Variants in SUGCT observed in about 807,000 individuals in gnomAD.
SUGCT encodes the protein succinyl-CoA:glutarate CoA-transferase.
In SUGCT, 41 loss-of-function variants were observed where a neutral mutation model predicts 55.0. The ratio of observed to expected loss-of-function variants is 0.74; its 90% CI spans 0.58 to 0.97. The LOEUF is 0.97. Ranked by LOEUF, SUGCT falls within the 50% of genes least tolerant of loss-of-function variation. The probability of loss-of-function intolerance (pLI) is 0.00; values close to 1 mark genes in which losing one functional copy is unlikely to be tolerated. For missense variants in SUGCT, 568 were observed against 547.8 expected (o/e 1.04, Z -0.37); for synonymous variants, 187 against 200.4 (o/e 0.93, Z 0.56).
intron 6 of SUGCT, among the ~76,000 whole-genome samples, chr7:40,217,037 C>A (rs372468010): frequency 8.6e-5 from 13 of 151,908 alleles, no homozygotes; most frequent in African/African-American, 3.1e-4. Context: ...TATTGAATGG[C>A]AAATTGTTTA....
the SUGCT span, among the ~76,000 whole-genome samples, chr7:41,033,139 A>G: frequency 1.3e-5 from 2 of 152,286 alleles, no homozygotes; most frequent in South Asian, 4.1e-4. Flanking sequence ...AGGCCCAAAC[A>G]TTTGGTCATT....
intron 12 of SUGCT, among the ~76,000 whole-genome samples, chr7:40,515,961 A>C (rs528968499): frequency 6.6e-6 from 1 of 152,316 alleles, no homozygotes; most frequent in African/African-American, 2.4e-5. Flanking sequence ...GAATTTCTTC[A>C]TAACTTTGCC....
At chr7:40,702,094 T>G (rs1785193768) in intron 12 of SUGCT, among the ~76,000 whole-genome samples, 1 of 152,198 alleles carries the variant, frequency 6.6e-6, no homozygotes, top group Non-Finnish European at 1.5e-5. Context: ...AAAGATTACC[T>G]TCCTAAAATA....
chr7:40,356,842 A>G (rs1797907279), intron 9 of SUGCT, among the ~76,000 whole-genome samples: 2 of 152,214 alleles, frequency 1.3e-5, no homozygotes, highest in African/African-American at 4.8e-5. Context: ...GAACAACTGA[A>G]CAGTATCCAT....
chr7:40,442,621 C>G (rs1011189256), intron 9 of SUGCT, among the ~76,000 whole-genome samples: 1 of 151,922 alleles, frequency 6.6e-6, no homozygotes, highest in Non-Finnish European at 1.5e-5. Context: ...GGTAATCTAG[C>G]TCATATACTT....
chr7:40,140,167 G>C (rs1377584891), intron 1 of SUGCT, among the ~76,000 whole-genome samples: 1 of 152,136 alleles, frequency 6.6e-6, no homozygotes, highest in Non-Finnish European at 1.5e-5. Flanking sequence ...GCCTCCCAAA[G>C]TGCTGGGATT....
chr7:40,694,435 T>C (rs1248324541), intron 12 of SUGCT, among the ~76,000 whole-genome samples: 1 of 152,244 alleles, frequency 6.6e-6, no homozygotes, highest in Non-Finnish European at 1.5e-5. Flanking sequence ...TCTTTGCATC[T>C]CAGAATCAGC....
intron 12 of SUGCT, among the ~76,000 whole-genome samples, chr7:40,731,679 A>C (rs1450297413): frequency 1.3e-5 from 2 of 152,194 alleles, no homozygotes; most frequent in Non-Finnish European, 2.9e-5. Context: ...AAAGTGGAAG[A>C]AATGTAAATT....
intron 8 of SUGCT, among the ~76,000 whole-genome samples, chr7:40,298,295 A>C (rs1248848782): frequency 6.6e-6 from 1 of 152,110 alleles, no homozygotes; most frequent in Non-Finnish European, 1.5e-5. Flanking sequence ...AAAGTGGTGC[A>C]TTGGGATAGA....
the SUGCT span, among the ~76,000 whole-genome samples, chr7:40,985,120 T>C: frequency 6.6e-6 from 1 of 152,194 alleles, no homozygotes; most frequent in Non-Finnish European, 1.5e-5. Context: ...CCTACTTGGA[T>C]GCTTTTGCAG....
In SUGCT at chr7:40,271,120, G is replaced by C. The variant is rs541408966; in HGVS notation, c.577-3393G>C. Among the ~76,000 whole-genome samples, 19 of 152,140 alleles carry C rather than the reference G, an allele frequency of 1.2e-4. No homozygotes were observed. The South Asian group carries it at 3.3e-3, about 27-fold the overall frequency. On this transcript the variant is annotated intron_variant, in intron 7 of 13. Transcript: ENST00000335693. ...ATTCCTTAGGACTTTTGATATATAA[G>C]ACTGGGTCATCTGCAAATTGAGATA...
chr7:40,242,906 CATATATATAT>C lies in SUGCT; in HGVS notation c.576+5199_576+5208del, dbSNP rs1159693206. ...GAATATCTGGTACTGTGCTATGTGG[CATATATATAT>C]ATATATATATATATATATTTTTTTT... On this transcript the variant is annotated intron_variant, in intron 7 of 13. Transcript: ENST00000335693. 3.6e-3 allele frequency among the ~76,000 whole-genome samples: 117 copies of C among 32,234 alleles called. 4 individuals carry two copies. The highest frequency in any genetic ancestry group is 0.022 in the East Asian group (17 of 780). The allele number at this position is 32,234 out of a possible 152,430, so 21.1% of individuals were successfully genotyped here.
chr7:40,249,619 A>T (rs1790219359), intron 7 of SUGCT, among the ~76,000 whole-genome samples: 1 of 151,830 alleles, frequency 6.6e-6, no homozygotes, highest in Non-Finnish European at 1.5e-5. Flanking sequence ...TTCACTAACA[A>T]AAGAGGTTAA....
intron 1 of SUGCT, among the ~76,000 whole-genome samples, chr7:40,159,111 G>A (rs1347861442): frequency 6.6e-6 from 1 of 152,006 alleles, no homozygotes; most frequent in African/African-American, 2.4e-5. Context: ...ATAGAGACAG[G>A]GTTTCCTCAT....
intron 9 of SUGCT, among the ~76,000 whole-genome samples, chr7:40,393,701 T>G (rs1402124396): frequency 6.6e-6 from 1 of 151,978 alleles, no homozygotes; most frequent in Non-Finnish European, 1.5e-5. Context: ...AATAAAGAGA[T>G]AAGTAGAGGA....
At chr7:40,506,073 A>T (rs1792571784) in intron 12 of SUGCT, among the ~76,000 whole-genome samples, 1 of 152,142 alleles carries the variant, frequency 6.6e-6, no homozygotes. Flanking sequence ...ATACATGATT[A>T]CTTTTACTGG....
At chr7:40,442,267 C>A (rs1788554501) in intron 9 of SUGCT, among the ~76,000 whole-genome samples, 1 of 152,082 alleles carries the variant, frequency 6.6e-6, no homozygotes, top group South Asian at 2.1e-4. Context: ...GCAAGGAGGG[C>A]TCTTGGAAGG....
the SUGCT span, among the ~76,000 whole-genome samples, chr7:40,896,072 A>G: frequency 0.49 from 75,191 of 151,992 alleles, 20,958 homozygotes; most frequent in East Asian, 0.67. Context: ...TGCAAGTGAC[A>G]TGATTTATAT....
At chr7:40,684,053 T>C (rs973409710) in intron 12 of SUGCT, 3 of 1,612,588 alleles carry the variant, frequency 1.9e-6, no homozygotes, top group Non-Finnish European at 1.7e-6. Context: ...TGGTTGTCAA[T>C]AGAACGCTGT....
Sources: allele counts gnomAD v4.1 joint callset (sites outside exome capture counted in the v4.1 genomes callset), GRCh38; gene constraint gnomAD v4.1.1; transcripts MANE v1.5; gene names NCBI Gene and HGNC (gene_info 2026-07-23, HGNC 2026-07-21).